Variants in NFE2L3 observed in about 807,000 individuals in gnomAD.
NFE2L3 encodes nuclear factor erythroid 2-related factor 3.
Under a neutral mutation model 23.5 loss-of-function variants are expected in NFE2L3, and 18 were observed. The observed-to-expected ratio is 0.77, with a 90% CI of 0.53 to 1.13. NFE2L3 has a LOEUF of 1.13. Ranked by LOEUF, NFE2L3 falls within the 50% of genes most tolerant of loss-of-function variation. The pLI, the probability that NFE2L3 is intolerant of heterozygous loss-of-function variation, is 0.00. For missense variants in NFE2L3, 1,152 were observed against 877.2 expected, an observed-to-expected ratio of 1.31 and a Z score of -3.96; for synonymous variants, 424 against 354.5, an observed-to-expected ratio of 1.20 and a Z score of -2.20.
intron 3 of NFE2L3, 26 bp from the exon 4 acceptor site, chr7:26,184,507 T>G (rs183354762): frequency 6.3e-7 from 1 of 1,582,754 alleles, no homozygotes; most frequent in Non-Finnish European, 8.6e-7. Context: ...TATTCATGTT[T>G]GAAGTGTTTC....
At position 26,152,660 on chromosome 7, in the gene NFE2L3, C is replaced by T; in HGVS notation, c.162C>T (p.Ser54=). The T allele has an allele frequency of 6.7e-7, 1 of 1,496,288 alleles. No individual in the cohort carries two copies. The highest frequency in any genetic ancestry group is 8.8e-7 in the Non-Finnish European group (1 of 1,130,628). The allele number at this position is 1,496,288 out of a possible 1,614,324, so 92.7% of individuals were successfully genotyped here. ...TGCTGTTCCTGGGCGGCCCGGCCAG[C>T]TCCGCCTACGCGCTCAGCCCCTTCT... is the stretch of plus-strand genomic sequence containing the variant. ...DELLFLGGPA[S]SAYALSPFSA... The change falls in exon 1 of 4, where the codon AGC becomes AGT. Residue 54 remains serine (S), a synonymous_variant. Coordinates refer to ENST00000056233, the MANE Select transcript of NFE2L3 (RefSeq NM_004289.7). This position sits in a 1 kb window ranked among gnomAD's most constrained non-coding sequence, Gnocchi z 4.4.
chr7:26,165,793 A>G (rs1245666598), intron 1 of NFE2L3, among the ~76,000 whole-genome samples: 1 of 152,116 alleles, frequency 6.6e-6, no homozygotes, highest in African/African-American at 2.4e-5. Flanking sequence ...TTTGTCATAG[A>G]TAGCTTTTAT....
intron 1 of NFE2L3, among the ~76,000 whole-genome samples, chr7:26,156,093 C>T (rs1262701106): frequency 1.3e-5 from 2 of 152,206 alleles, no homozygotes; most frequent in Non-Finnish European, 2.9e-5. Flanking sequence ...TTTTGAATCC[C>T]AGCTCTACCA....
chr7:26,152,907 G>T lies in NFE2L3; in HGVS notation c.409G>T (p.Gly137Ter). The T allele has an allele frequency of 6.9e-7, 1 of 1,445,886 alleles. No homozygotes were observed. Among genetic ancestry groups the T allele is most frequent in the Non-Finnish European group, 9.0e-7 (1 of 1,110,642 alleles). 89.6% of individuals were successfully genotyped at this position (1,445,886 alleles called of 1,614,324 possible). Residue 137 changes from glycine (G) to a stop codon, truncating the protein, a stop_gained, in exon 1 of 4, where the codon GGA becomes TGA. Coordinates refer to ENST00000056233, the MANE Select transcript of NFE2L3 (RefSeq NM_004289.7). LOFTEE classifies it high-confidence loss of function. This position sits in a 1 kb window ranked among gnomAD's most constrained non-coding sequence, Gnocchi z 4.4. The part of the protein sequence containing the change: ...LLGAAAASST[G>*]GAGASVDGGS... Reference sequence around the variant, plus strand: ...CGGCGCCGCCGCCGCCTCGTCCACCGGAGGAGCCGGCGCCAGCGTGGACGG... The same window carrying T: ...CGGCGCCGCCGCCGCCTCGTCCACCTGAGGAGCCGGCGCCAGCGTGGACGG...
In NFE2L3 at chr7:26,185,891, G is replaced by A; in HGVS notation, c.*108G>A. 1 of 896,046 alleles carries A rather than the reference G, an allele frequency of 1.1e-6. No homozygotes were observed. Among genetic ancestry groups the A allele is most frequent in the South Asian group, 1.9e-5 (1 of 52,104 alleles). 55.5% of individuals were successfully genotyped at this position (896,046 alleles called of 1,614,324 possible). ...TTCAAGAATTGTATCTTTAAGTACT[G>A]CTACTTGAATAACTCAGTTAACGCT... On this transcript the variant is annotated 3_prime_UTR_variant, in exon 4 of 4. Coordinates refer to ENST00000056233, the MANE Select transcript of NFE2L3 (RefSeq NM_004289.7).
In NFE2L3 at chr7:26,187,120, C is replaced by CTGTTATTTT. The variant is rs1782507655; in HGVS notation, c.*1338_*1346dup. The stretch of plus-strand genomic sequence containing the variant: ...TTTTTATAATAAAGTTTCCCAAGAC[C>CTGTTATTTT]TGTTATTTTGCCAGAAATGCTTCTA... On this transcript the variant is annotated 3_prime_UTR_variant, in exon 4 of 4. Coordinates refer to ENST00000056233, the MANE Select transcript of NFE2L3 (RefSeq NM_004289.7). The CTGTTATTTT allele has an allele frequency of 2.0e-5, 3 of 152,148 alleles. No homozygotes were observed. The highest frequency in any genetic ancestry group is 6.5e-5 in the Admixed American group (1 of 15,274). 9.4% of individuals were successfully genotyped at this position (152,148 alleles called of 1,614,324 possible).
Position 26,152,649 on chromosome 7 carries a change from G to T in NFE2L3, c.151G>T (p.Gly51Cys), listed in dbSNP as rs571480830. Residue 51 changes from glycine to cysteine, a missense_variant, in exon 1 of 4, where the codon GGC becomes TGC. Coordinates refer to ENST00000056233, the MANE Select transcript of NFE2L3 (RefSeq NM_004289.7). This position sits in a 1 kb window ranked among gnomAD's most constrained non-coding sequence, Gnocchi z 4.4. The stretch of plus-strand genomic sequence containing the variant: ...GCAGGACGAGCTGCTGTTCCTGGGC[G>T]GCCCGGCCAGCTCCGCCTACGCGCT... The part of the protein sequence containing the change: ...LLQDELLFLG[G>C]PASSAYALSP... 34 of 1,507,792 alleles carry T rather than the reference G, an allele frequency of 2.3e-5. No homozygotes were observed. The African/African-American group carries it at 4.7e-4, about 21-fold the overall frequency. 93.4% of individuals were successfully genotyped at this position (1,507,792 alleles called of 1,614,324 possible). A position where few individuals can be genotyped will look rare whatever the true frequency, so the allele number is the denominator to read the frequency against.
chr7:26,174,840 A>G (rs1454422406), intron 1 of NFE2L3: 2 of 152,228 alleles, frequency 1.3e-5, no homozygotes, highest in Admixed American at 6.5e-5. Context: ...TAGGGAAAAA[A>G]TACATCCAGA....
At chr7:26,183,551 TAATA>T (rs2128100425) in intron 2 of NFE2L3, 146 bp from the exon 3 acceptor site, 4 of 569,216 alleles carry the variant, frequency 7.0e-6, no homozygotes, top group South Asian at 6.3e-5. Context: ...TCTCAAAATA[TAATA>T]AAAAGTAGAA....
chr7:26,171,422 T>C (rs1051099645), intron 1 of NFE2L3, among the ~76,000 whole-genome samples: 3 of 151,994 alleles, frequency 2.0e-5, no homozygotes, highest in Non-Finnish European at 4.4e-5. Flanking sequence ...CAGGCACCTG[T>C]AATCCCAGCT....
chr7:26,152,444 TGGGGCGCCGGGACCCGCGGGCGCCGGCA>T lies in NFE2L3; in HGVS notation c.-48_-21del, dbSNP rs1302834473. On this transcript the variant is annotated 5_prime_UTR_variant, in exon 1 of 4. Coordinates refer to ENST00000056233, the MANE Select transcript of NFE2L3 (RefSeq NM_004289.7). The surrounding 1 kb of genome is among the most constrained non-coding windows in gnomAD (Gnocchi z 4.4). ...GGTCCGCACGTGTCACCCCGGCGGCTGGGGCGCCGGGACCCGCGGGCGCCGGCAGGGGCGTTCCCGGGCGCGCGGCGGC... is the reference window on the plus strand; with the variant it reads ...GGTCCGCACGTGTCACCCCGGCGGCTGGGGCGTTCCCGGGCGCGCGGCGGC... The T allele has an allele frequency of 1.7e-6, 2 of 1,185,134 alleles. No individual in the cohort carries two copies. The highest frequency in any genetic ancestry group is 1.6e-5 in the African/African-American group (1 of 62,320). 73.4% of individuals were successfully genotyped at this position (1,185,134 alleles called of 1,614,324 possible).
chr7:26,167,688 A>T (rs996652413), intron 1 of NFE2L3, among the ~76,000 whole-genome samples: 4 of 152,252 alleles, frequency 2.6e-5, no homozygotes, highest in African/African-American at 9.6e-5. Context: ...CATACTCTGT[A>T]TCTCAGCTCC....
intron 1 of NFE2L3, 116 bp from the exon 2 acceptor site, chr7:26,177,827 A>G (rs891525574): frequency 4.7e-6 from 4 of 859,906 alleles, no homozygotes; most frequent in African/African-American, 1.7e-5. Flanking sequence ...TGATACTGAA[A>G]TATTGAAATG....
At chr7:26,154,735 C>T (rs1015748387) in intron 1 of NFE2L3, among the ~76,000 whole-genome samples, 1 of 152,162 alleles carries the variant, frequency 6.6e-6, no homozygotes, top group African/African-American at 2.4e-5. Context: ...AGAGACAGGT[C>T]TCGCTATGTT....
chr7:26,177,496 C>T (rs1322585818), intron 1 of NFE2L3, among the ~76,000 whole-genome samples: 2 of 152,034 alleles, frequency 1.3e-5, no homozygotes, highest in Admixed American at 1.3e-4. Context: ...ACTGGGCGGG[C>T]CGAGGCAGGA....
rs373375204 is a variant in NFE2L3, at chr7:26,160,582, G to T, written c.570+7514G>T. The stretch of plus-strand genomic sequence containing the variant: ...GGCACCCAGAAACTCTGGAAGCTCC[G>T]CAGGAGCTGCAATGCTACAGGCTTC... On this transcript the variant is annotated intron_variant, in intron 1 of 3. Transcript: ENST00000056233. 9.8e-5 allele frequency among the ~76,000 whole-genome samples: 15 copies of T among 152,316 alleles called. No individual in the cohort carries two copies. The East Asian group carries it at 2.9e-3, about 29-fold the overall frequency.
chr7:26,178,398 T>C (rs1170297507), intron 2 of NFE2L3, among the ~76,000 whole-genome samples: 3 of 152,288 alleles, frequency 2.0e-5, no homozygotes, highest in African/African-American at 2.4e-5. Context: ...TTGCTAGTTA[T>C]GTTTGCCAAG....
rs201942885 is a variant in NFE2L3, at chr7:26,177,606, GAGGGAGGA to G, written c.571-325_571-318del. On this transcript the variant is annotated intron_variant, in intron 1 of 3. Transcript: ENST00000056233. The stretch of plus-strand genomic sequence containing the variant: ...AGGGAGACCGTCGAAAGGAGGGAAG[GAGGGAGGA>G]AGGGAGGAAGGAAGGAATCAATTTT... Among the ~76,000 whole-genome samples the G allele has an allele frequency of 1.6e-3, 245 of 152,336 alleles. 1 individual carries two copies. Among genetic ancestry groups the G allele is most frequent in the Middle Eastern group, 6.8e-3 (2 of 294 alleles).
At chr7:26,169,022 C>T (rs1784296468) in intron 1 of NFE2L3, among the ~76,000 whole-genome samples, 1 of 152,206 alleles carries the variant, frequency 6.6e-6, no homozygotes. Context: ...CTCCTAGCCA[C>T]TAGGCTGTTT....
Sources: gnomAD v4.1 joint callset for allele counts (sites outside exome capture counted in the v4.1 genomes callset) on GRCh38, gnomAD v4.1.1 for gene constraint, Gnocchi (gnomAD v3.1) non-coding constraint, MANE v1.5 for transcripts, NCBI Gene and HGNC (gene_info 2026-07-23, HGNC 2026-07-21) for gene names.